The following MYT1 variants were observed in gnomAD, a reference collection of about 807,000 sequenced individuals.
MYT1 encodes the protein myelin transcription factor I.
In MYT1, 23 loss-of-function variants were observed where a neutral mutation model predicts 123.0. That is an observed-to-expected ratio of 0.19 (90% CI 0.13 to 0.26). The LOEUF (loss-of-function observed/expected upper bound fraction) is 0.26. Among genes scored for constraint, MYT1 ranks in the 10% least tolerant of loss-of-function variants. The pLI, the probability that MYT1 is intolerant of heterozygous loss-of-function variation, is 1.00. For synonymous variants in MYT1, 518 were observed against 575.3 expected, an observed-to-expected ratio of 0.90 and a Z score of 1.43; for missense variants, 1,125 against 1,472.5, an observed-to-expected ratio of 0.76 and a Z score of 3.86.
chr20:64,218,807 C>T lies in MYT1; in HGVS notation c.1847-104C>T, dbSNP rs1303459449. 1.3e-6 allele frequency: 2 copies of T among 1,493,988 alleles called. No individual in the cohort carries two copies. The highest frequency in any genetic ancestry group is 3.3e-5 in the Admixed American group (2 of 59,802). 92.5% of individuals were successfully genotyped at this position (1,493,988 alleles called of 1,614,324 possible). A position where few individuals can be genotyped will look rare whatever the true frequency, so the allele number is the denominator to read the frequency against. ...GCCTCTTTTCAAGTTGTATATCAGC[C>T]TGGTGTTGTTCCCTTTTTGCAGCCA... On this transcript the variant is annotated intron_variant, in intron 11 of 22. Coordinates refer to ENST00000328439, the MANE Select transcript of MYT1 (RefSeq NM_004535.3). This position sits in a 1 kb window ranked among gnomAD's most constrained non-coding sequence, Gnocchi z 4.0.
At chr20:64,234,625 G>A (rs373915304) in intron 19 of MYT1, among the ~76,000 whole-genome samples, 14,803 of 148,018 alleles carry the variant, frequency 0.1, 367 homozygotes, top group Non-Finnish European at 0.11. Context: ...TGGGCTGGCC[G>A]TGGTGGGTGA....
intron 1 of MYT1, among the ~76,000 whole-genome samples, chr20:64,170,607 T>C (rs1308394086): frequency 6.6e-6 from 1 of 151,998 alleles, no homozygotes; most frequent in Non-Finnish European, 1.5e-5. Flanking sequence ...TCCGCCTAGA[T>C]AAAATGTTAG....
In MYT1 at chr20:64,223,314, A is replaced by G. The variant is rs1984067883; in HGVS notation, c.2483A>G (p.Asp828Gly). ...AGCCTCTCTGGTTGCCCTCTTGCTG[A>G]CAAGAGCCTCAGAAACCTCATGGCT... The part of the protein sequence containing the change: ...HRSLSGCPLA[D>G]KSLRNLMAAH... The change falls in exon 16 of 23, where the codon GAC becomes GGC. Residue 828 changes from aspartate (D) to glycine (G), a missense_variant. Coordinates refer to ENST00000328439, the MANE Select transcript of MYT1 (RefSeq NM_004535.3). 6.2e-7 allele frequency: 1 copy of G among 1,614,014 alleles called. No individual in the cohort carries two copies. Among genetic ancestry groups the G allele is most frequent in the Non-Finnish European group, 8.5e-7 (1 of 1,179,990 alleles).
At chr20:64,211,082 T>C in intron 7 of MYT1, 124 bp from the exon 8 acceptor site, 1 of 1,081,560 alleles carries the variant, frequency 9.2e-7, no homozygotes, top group Non-Finnish European at 1.3e-6. Context: ...CTGTTCAAGC[T>C]CATGGGCAGT....
At position 64,204,729 on chromosome 20, in the gene MYT1, G is replaced by A. The variant is rs562742069; in HGVS notation, c.87-306G>A. On this transcript the variant is annotated intron_variant, in intron 4 of 22. Transcript: ENST00000328439. ...TGTTCAGGGCACCTCAGAGCGTCTCGTGTCCAAGCTCCTGGAAACCTGGTG... is the reference window on the plus strand; with the variant it reads ...TGTTCAGGGCACCTCAGAGCGTCTCATGTCCAAGCTCCTGGAAACCTGGTG... 2.0e-5 allele frequency among the ~76,000 whole-genome samples: 3 copies of A among 152,290 alleles called. 1 individual carries two copies. Among genetic ancestry groups the A allele is most frequent in the South Asian group, 4.1e-4 (2 of 4,820 alleles).
rs1355363174 is a variant in MYT1 at position 64,241,685 on chromosome 20, G to A, written c.*1237G>A. 6.6e-6 allele frequency: 1 copy of A among 152,456 alleles called. No homozygotes were observed. Among genetic ancestry groups the A allele is most frequent in the East Asian group, 1.9e-4 (1 of 5,202 alleles). The allele number at this position is 152,456 out of a possible 1,614,324, so 9.4% of individuals were successfully genotyped here. ...CCCACACCAGGGCACCCTAAGAGGG[G>A]AAAAAAGTGAATTCAAAGCAAAAAT... On this transcript the variant is annotated 3_prime_UTR_variant, in exon 23 of 23. Coordinates refer to ENST00000328439, the MANE Select transcript of MYT1 (RefSeq NM_004535.3). This position sits in a 1 kb window ranked among gnomAD's most constrained non-coding sequence, Gnocchi z 4.2.
At chr20:64,225,902 C>A (rs1432176080) in intron 16 of MYT1, among the ~76,000 whole-genome samples, 2 of 152,210 alleles carry the variant, frequency 1.3e-5, no homozygotes, top group Non-Finnish European at 2.9e-5. Flanking sequence ...GTTATACCCC[C>A]ACCTGAGACT....
intron 2 of MYT1, among the ~76,000 whole-genome samples, chr20:64,198,520 C>A (rs1250948668): frequency 6.6e-6 from 1 of 152,148 alleles, no homozygotes; most frequent in African/African-American, 2.4e-5. Flanking sequence ...GGATAACATA[C>A]GGACATTCAT....
chr20:64,202,257 C>T lies in MYT1; in HGVS notation c.86+2335C>T, dbSNP rs780596044. Among the ~76,000 whole-genome samples the T allele has an allele frequency of 6.6e-6, 1 of 152,240 alleles. No homozygotes were observed. The highest frequency in any genetic ancestry group is 1.5e-5 in the Non-Finnish European group (1 of 68,042). ...TTGGATCGAGCAGGACCCTGAGCTG[C>T]TATTTCCGACCTCGGAGCCCACTGG... On this transcript the variant is annotated intron_variant, in intron 4 of 22. Transcript: ENST00000328439. The surrounding 1 kb of genome is among the most constrained non-coding windows in gnomAD (Gnocchi z 5.0).
chr20:64,199,215 C>T (rs961924188), intron 3 of MYT1, among the ~76,000 whole-genome samples: 1 of 152,170 alleles, frequency 6.6e-6, no homozygotes, highest in Non-Finnish European at 1.5e-5. Context: ...AATGAGAGGC[C>T]GCCAGCCTTC....
intron 1 of MYT1, among the ~76,000 whole-genome samples, chr20:64,183,039 C>T (rs779932860): frequency 5.9e-5 from 9 of 152,218 alleles, no homozygotes; most frequent in Non-Finnish European, 1.3e-4. Context: ...CACAGTCGTT[C>T]TCCATTTTCT....
chr20:64,181,544 C>G (rs139657589), intron 1 of MYT1, among the ~76,000 whole-genome samples: 1 of 152,220 alleles, frequency 6.6e-6, no homozygotes, highest in African/African-American at 2.4e-5. Flanking sequence ...AACAAGTCCT[C>G]CTGTCACTGT....
At chr20:64,236,757 G>A in intron 20 of MYT1, 111 bp downstream of exon 20, 2 of 907,820 alleles carry the variant, frequency 2.2e-6, no homozygotes, top group Non-Finnish European at 3.5e-6. Context: ...AGCCCCTCCT[G>A]GAATGAGTCA....
chr20:64,221,968 C>G lies in MYT1; in HGVS notation c.2317C>G (p.Arg773Gly), dbSNP rs781072905. 2 of 1,613,660 alleles carry G rather than the reference C, an allele frequency of 1.2e-6. No homozygotes were observed. The highest frequency in any genetic ancestry group is 1.7e-6 in the Non-Finnish European group (2 of 1,180,016). ...AGTGTCGGAAGAGAATTTTGAGGAG[C>G]GGAAGTATCCGGGGGAAGTCACCCT... ...QEVSEENFEE[R>G]KYPGEVTLTN... The change falls in exon 14 of 23, where the codon CGG becomes GGG. Residue 773 changes from arginine (R) to glycine (G), a missense_variant. Coordinates refer to ENST00000328439, the MANE Select transcript of MYT1 (RefSeq NM_004535.3).
At chr20:64,194,080 C>T (rs1161779605) in intron 2 of MYT1, among the ~76,000 whole-genome samples, 1 of 152,182 alleles carries the variant, frequency 6.6e-6, no homozygotes, top group Non-Finnish European at 1.5e-5. Flanking sequence ...TGACTGTCCC[C>T]ATTTATTCAT....
chr20:64,216,994 T>A, intron 10 of MYT1, 73 bp from the exon 11 acceptor site: 1 of 1,430,482 alleles, frequency 7.0e-7, no homozygotes, highest in East Asian at 2.3e-5. Flanking sequence ...GGCTGCAGAT[T>A]GGGGTTGGGG....
At chr20:64,170,882 TATAGAGAGAGAGAG>T (rs1324100524) in intron 1 of MYT1, among the ~76,000 whole-genome samples, 15 of 41,344 alleles carry the variant, frequency 3.6e-4, no homozygotes, top group South Asian at 1.1e-3. Flanking sequence ...TATATATATA[TATAGAGAGAGAGAG>T]AGAGAGAGAG....
rs1353749728 is a variant in MYT1, at chr20:64,196,021, G to A, written c.1-2841G>A. ...TGGCATTTGGAGAAACAGAGCAGAC[G>A]TTCTTGAGAAAGGTTGCCGGCCCAG... On this transcript the variant is annotated intron_variant, in intron 2 of 22. Coordinates refer to ENST00000328439, the MANE Select transcript of MYT1 (RefSeq NM_004535.3). This position sits in a 1 kb window ranked among gnomAD's most constrained non-coding sequence, Gnocchi z 4.3. Among the ~76,000 whole-genome samples, 2 of 152,200 alleles carry A rather than the reference G, an allele frequency of 1.3e-5. No homozygotes were observed. Among genetic ancestry groups the A allele is most frequent in the African/African-American group, 4.8e-5 (2 of 41,438 alleles).
chr20:64,170,362 C>A (rs1982214662), intron 1 of MYT1, among the ~76,000 whole-genome samples: 1 of 152,170 alleles, frequency 6.6e-6, no homozygotes. Flanking sequence ...TGCAGGCAAC[C>A]AGCTCTGGGG....
Sources: gnomAD v4.1 joint callset for allele counts (sites outside exome capture counted in the v4.1 genomes callset) on GRCh38, gnomAD v4.1.1 for gene constraint, Gnocchi (gnomAD v3.1) non-coding constraint, MANE v1.5 for transcripts, NCBI Gene and HGNC (gene_info 2026-07-23, HGNC 2026-07-21) for gene names.